PPP2R2B: variants seen among roughly 807,000 people sequenced by gnomAD.
PPP2R2B encodes the protein protein phosphatase 2 regulatory subunit Bbeta, also known as serine/threonine-protein phosphatase 2A 55 kDa regulatory subunit B beta isoform.
In PPP2R2B, 5 loss-of-function variants were observed where a neutral mutation model predicts 46.0. The observed-to-expected ratio is 0.11, with a 90% CI of 0.06 to 0.23. The LOEUF (loss-of-function observed/expected upper bound fraction) is 0.23. PPP2R2B is among the 10% of genes least tolerant of loss of function. PPP2R2B has a pLI of 1.00. For synonymous variants in PPP2R2B, 215 were observed against 206.7 expected (o/e 1.04, Z -0.34); for missense variants, 367 against 575.0 (o/e 0.64, Z 3.70).
At chr5:146,982,245 A>G (rs1025596261) in intron 1 of PPP2R2B, among the ~76,000 whole-genome samples, 4 of 152,076 alleles carry the variant, frequency 2.6e-5, no homozygotes, top group Non-Finnish European at 5.9e-5. Context: ...AGGTCCCACA[A>G]TTTTTGATAT....
rs763097059 is a variant in PPP2R2B at position 146,589,900 on chromosome 5, T to TTGAC, written c.*43_*46dup. On this transcript the variant is annotated 3_prime_UTR_variant, in exon 10 of 10. Coordinates refer to ENST00000394411, the MANE Select transcript of PPP2R2B (RefSeq NM_181675.4). ...CCCAAAGAAACATTTAAAAACTTGT[T>TTGAC]TGACTAGTATTCAGTATGTGAGATT... 2 of 1,556,580 alleles carry TTGAC rather than the reference T, an allele frequency of 1.3e-6. No individual in the cohort carries two copies. Among genetic ancestry groups the TTGAC allele is most frequent in the Admixed American group, 1.7e-5 (1 of 57,584 alleles).
chr5:146,862,872 A>T (rs529082122), intron 2 of PPP2R2B, among the ~76,000 whole-genome samples: 1 of 150,556 alleles, frequency 6.6e-6, no homozygotes, highest in Non-Finnish European at 1.5e-5. Context: ...AAAAAAAAAA[A>T]AAAAACCCTG....
chr5:146,992,994 G>A (rs1325211094), intron 1 of PPP2R2B, among the ~76,000 whole-genome samples: 4 of 152,128 alleles, frequency 2.6e-5, no homozygotes, highest in Admixed American at 2.0e-4. Flanking sequence ...CCAGGCTAGA[G>A]TGCAATGACA....
chr5:146,935,648 G>C (rs1006372017), intron 1 of PPP2R2B, among the ~76,000 whole-genome samples: 1 of 152,092 alleles, frequency 6.6e-6, no homozygotes, highest in Non-Finnish European at 1.5e-5. Context: ...GAAAGTGTGA[G>C]CCAGGTAAAG....
At chr5:146,892,306 G>A (rs1286336934) in intron 1 of PPP2R2B, among the ~76,000 whole-genome samples, 1 of 152,072 alleles carries the variant, frequency 6.6e-6, no homozygotes, top group East Asian at 1.9e-4. Context: ...CACACAGGGG[G>A]ATCAAAAGGC....
intron 2 of PPP2R2B, among the ~76,000 whole-genome samples, chr5:147,072,501 G>T (rs1211357376): frequency 6.6e-6 from 1 of 152,122 alleles, no homozygotes; most frequent in Non-Finnish European, 1.5e-5. Flanking sequence ...CAGTAGCTGA[G>T]AATAACAACT....
At chr5:146,858,973 T>C (rs1447783746) in intron 2 of PPP2R2B, among the ~76,000 whole-genome samples, 1 of 152,146 alleles carries the variant, frequency 6.6e-6, no homozygotes, top group Non-Finnish European at 1.5e-5. Context: ...CTAAAAATGT[T>C]AGTGGTCAGT....
intron 1 of PPP2R2B, among the ~76,000 whole-genome samples, chr5:147,033,946 A>T (rs1755912340): frequency 6.6e-6 from 1 of 152,180 alleles, no homozygotes; most frequent in Non-Finnish European, 1.5e-5. Flanking sequence ...AACAAAAAAA[A>T]TTAAGTCCTT....
intron 1 of PPP2R2B, among the ~76,000 whole-genome samples, chr5:147,001,251 T>C (rs192427524): frequency 2.6e-5 from 4 of 152,316 alleles, no homozygotes; most frequent in East Asian, 3.9e-4. Context: ...GGAAGTTTTG[T>C]TCTTTCGCTC....
At chr5:146,779,979 A>G (rs925316263) in intron 2 of PPP2R2B, among the ~76,000 whole-genome samples, 2 of 152,214 alleles carry the variant, frequency 1.3e-5, no homozygotes, top group Non-Finnish European at 2.9e-5. Flanking sequence ...ACACTAAATT[A>G]GGTAGCTTTT....
At chr5:146,721,904 G>C (rs777557686) in intron 2 of PPP2R2B, among the ~76,000 whole-genome samples, 19 of 152,150 alleles carry the variant, frequency 1.2e-4, no homozygotes, top group Non-Finnish European at 1.6e-4. Context: ...TAATCATTAA[G>C]GTTAACAGGA....
rs142694962 is a variant in PPP2R2B, at chr5:147,016,774, A to G, written c.79+38891T>C. ...GAATGGGCATTCTATCCAGGCAGAA[A>G]ACATGTCATAATAAAAGGCAAGAAG... On this transcript the variant is annotated intron_variant, in intron 1 of 8. Transcript: ENST00000336640. Among the ~76,000 whole-genome samples the G allele has an allele frequency of 1.6e-4, 24 of 151,752 alleles. 2 individuals carry two copies. In the East Asian group the frequency reaches 5.0e-3, roughly 31 times the overall value.
At chr5:147,011,417 T>C (rs1288731462) in intron 1 of PPP2R2B, among the ~76,000 whole-genome samples, 1 of 152,170 alleles carries the variant, frequency 6.6e-6, no homozygotes, top group African/African-American at 2.4e-5. Context: ...AAATAAACTA[T>C]ATATAACTAT....
chr5:146,593,798 A>T (rs1770902432), intron 8 of PPP2R2B, among the ~76,000 whole-genome samples: 1 of 152,204 alleles, frequency 6.6e-6, no homozygotes, highest in African/African-American at 2.4e-5. Context: ...GGAGAGGATG[A>T]TCAGTTTACA....
chr5:146,806,843 C>T (rs998231063), intron 2 of PPP2R2B, among the ~76,000 whole-genome samples: 1 of 152,168 alleles, frequency 6.6e-6, no homozygotes, highest in African/African-American at 2.4e-5. Flanking sequence ...AAGACACTGC[C>T]GCCACCTGAG....
chr5:146,720,647 T>C (rs1356803171), intron 2 of PPP2R2B, among the ~76,000 whole-genome samples: 1 of 152,200 alleles, frequency 6.6e-6, no homozygotes, highest in Non-Finnish European at 1.5e-5. Context: ...AGTTCATACA[T>C]TAACAGATAT....
At chr5:147,069,801 T>TTTC (rs1561611961) in intron 2 of PPP2R2B, among the ~76,000 whole-genome samples, 9 of 131,570 alleles carry the variant, frequency 6.8e-5, no homozygotes, top group African/African-American at 2.2e-4. Context: ...TTTTTTTTTT[T>TTTC]TTTTTTTGAG....
intron 1 of PPP2R2B, among the ~76,000 whole-genome samples, chr5:146,932,529 CT>C (rs1262606630): frequency 1.3e-5 from 2 of 152,142 alleles, no homozygotes; most frequent in African/African-American, 4.8e-5. Context: ...TAAGACAGGC[CT>C]TTGCTTCTCC....
chr5:146,664,280 C>T (rs114216530), intron 5 of PPP2R2B, among the ~76,000 whole-genome samples: 185 of 152,260 alleles, frequency 1.2e-3, no homozygotes, highest in African/African-American at 4.2e-3. Context: ...AGAGACAATC[C>T]GCTCAAGCAC....
Sources: gnomAD v4.1 joint callset for allele counts (sites outside exome capture counted in the v4.1 genomes callset) on GRCh38, gnomAD v4.1.1 for gene constraint, MANE v1.5 for transcripts, NCBI Gene and HGNC (gene_info 2026-07-23, HGNC 2026-07-21) for gene names.